NR3C2: variants seen among roughly 807,000 people sequenced by gnomAD.
NR3C2 encodes nuclear receptor subfamily 3 group C member 2.
Under a neutral mutation model 86.4 loss-of-function variants are expected in NR3C2, and 15 were observed. That is an observed-to-expected ratio of 0.17 (90% CI 0.12 to 0.27). The LOEUF (loss-of-function observed/expected upper bound fraction) is 0.27, where lower values mean the gene tolerates loss of function less well. Ranked by LOEUF, NR3C2 falls within the 10% of genes least tolerant of loss-of-function variation. NR3C2 has a pLI of 1.00. For synonymous variants in NR3C2, 458 were observed against 450.5 expected, an observed-to-expected ratio of 1.02 and a Z score of -0.21; for missense variants, 960 against 1,195.6, an observed-to-expected ratio of 0.80 and a Z score of 2.91.
At chr4:148,312,070 A>G (rs1742927779) in intron 2 of NR3C2, among the ~76,000 whole-genome samples, 1 of 125,700 alleles carries the variant, frequency 8.0e-6, no homozygotes, top group Admixed American at 7.4e-5. Flanking sequence ...CATTTAACAT[A>G]TCACATTTTA....
chr4:148,176,470 C>T (rs1735379493), intron 4 of NR3C2, among the ~76,000 whole-genome samples: 1 of 152,112 alleles, frequency 6.6e-6, no homozygotes, highest in Admixed American at 6.5e-5. Flanking sequence ...GATGAACCCA[C>T]CAATGTAGTG....
At chr4:148,429,211 T>C (rs1749688513) in intron 2 of NR3C2, among the ~76,000 whole-genome samples, 1 of 152,216 alleles carries the variant, frequency 6.6e-6, no homozygotes, top group Admixed American at 6.5e-5. Context: ...TGCCAGAATA[T>C]CTAAAGTCAA....
chr4:148,137,616 C>T (rs1299151921), intron 6 of NR3C2, among the ~76,000 whole-genome samples: 3 of 152,158 alleles, frequency 2.0e-5, no homozygotes, highest in African/African-American at 7.2e-5. Flanking sequence ...GAGGCTTCCC[C>T]AAAGCCAGGC....
At chr4:148,109,643 C>G (rs928326717) in intron 8 of NR3C2, among the ~76,000 whole-genome samples, 2 of 152,178 alleles carry the variant, frequency 1.3e-5, no homozygotes, top group Admixed American at 1.3e-4. Flanking sequence ...TGGAAGAAAT[C>G]CATGTATGTC....
intron 2 of NR3C2, among the ~76,000 whole-genome samples, chr4:148,397,773 G>A (rs1318485393): frequency 2.0e-5 from 3 of 152,138 alleles, no homozygotes; most frequent in South Asian, 2.1e-4. Context: ...GGAAGCTGTC[G>A]CCTAAACTTC....
chr4:148,328,543 G>A (rs1334714378), intron 2 of NR3C2, among the ~76,000 whole-genome samples: 1 of 152,136 alleles, frequency 6.6e-6, no homozygotes, highest in Non-Finnish European at 1.5e-5. Context: ...AGGAATCAGA[G>A]GAGACCTCAC....
intron 1 of NR3C2, among the ~76,000 whole-genome samples, chr4:148,440,362 C>G (rs1255903335): frequency 6.6e-6 from 1 of 152,186 alleles, no homozygotes; most frequent in Non-Finnish European, 1.5e-5. Context: ...ATGGCTTGAG[C>G]AGAATTTCAG....
At chr4:148,286,797 T>C (rs1390410752) in intron 2 of NR3C2, among the ~76,000 whole-genome samples, 1 of 152,216 alleles carries the variant, frequency 6.6e-6, no homozygotes. Flanking sequence ...AACATAACTA[T>C]ACCAACTGAA....
chr4:148,120,934 C>A (rs1012163512), intron 6 of NR3C2, among the ~76,000 whole-genome samples: 1 of 152,180 alleles, frequency 6.6e-6, no homozygotes, highest in African/African-American at 2.4e-5. Context: ...CCAAACAATA[C>A]CCTCACACCA....
At chr4:148,373,403 T>C (rs1475833605) in intron 2 of NR3C2, among the ~76,000 whole-genome samples, 3 of 152,050 alleles carry the variant, frequency 2.0e-5, no homozygotes, top group African/African-American at 7.3e-5. Flanking sequence ...CAGGTAGGTA[T>C]ATGCTTCTCC....
intron 4 of NR3C2, among the ~76,000 whole-genome samples, chr4:148,173,691 T>C (rs531680328): frequency 1.3e-5 from 2 of 152,362 alleles, no homozygotes; most frequent in South Asian, 4.1e-4. Context: ...ACAGCAGCAA[T>C]AGTAAACTAA....
intron 3 of NR3C2, among the ~76,000 whole-genome samples, chr4:148,197,285 A>C (rs1736485381): frequency 6.6e-6 from 1 of 152,276 alleles, no homozygotes; most frequent in Admixed American, 6.5e-5. Context: ...TGCCTTTTGC[A>C]TAGTATGAGA....
intron 2 of NR3C2, among the ~76,000 whole-genome samples, chr4:148,267,681 G>T (rs1369948792): frequency 6.6e-6 from 1 of 151,906 alleles, no homozygotes; most frequent in Non-Finnish European, 1.5e-5. Flanking sequence ...TATAGGTTGG[G>T]AACAGCCACA....
intron 2 of NR3C2, among the ~76,000 whole-genome samples, chr4:148,421,647 C>T (rs566036463): frequency 1.7e-4 from 26 of 152,188 alleles, no homozygotes; most frequent in Non-Finnish European, 3.1e-4. Flanking sequence ...GGACATCTAG[C>T]CATTTTCCCC....
intron 2 of NR3C2, among the ~76,000 whole-genome samples, chr4:148,311,595 G>A (rs1742902442): frequency 6.6e-6 from 1 of 152,186 alleles, no homozygotes; most frequent in Non-Finnish European, 1.5e-5. Flanking sequence ...TCCATACCTT[G>A]GCCCCTGTCC....
chr4:148,110,222 C>T (rs935863611), intron 8 of NR3C2, among the ~76,000 whole-genome samples: 3 of 152,172 alleles, frequency 2.0e-5, no homozygotes, highest in African/African-American at 7.2e-5. Context: ...CAACTATCAA[C>T]CTGTTCTTTC....
At chr4:148,381,139 G>T (rs1746963085) in intron 2 of NR3C2, among the ~76,000 whole-genome samples, 2 of 151,714 alleles carry the variant, frequency 1.3e-5, no homozygotes, top group Non-Finnish European at 1.5e-5. Context: ...GAGGCAGGAG[G>T]ATCGCTTGAG....
intron 2 of NR3C2, among the ~76,000 whole-genome samples, chr4:148,297,078 A>AT (rs1250278126): frequency 1.3e-5 from 2 of 152,212 alleles, no homozygotes; most frequent in East Asian, 3.8e-4. Flanking sequence ...ACTGTACTGA[A>AT]TAACACAGAA....
chr4:148,359,844 A>T (rs77689954), intron 2 of NR3C2, among the ~76,000 whole-genome samples: 1 of 152,228 alleles, frequency 6.6e-6, no homozygotes, highest in Non-Finnish European at 1.5e-5. Context: ...AATGTACAGG[A>T]GAGCTAAATC....
Sources: gnomAD v4.1 joint callset for allele counts (sites outside exome capture counted in the v4.1 genomes callset) on GRCh38, gnomAD v4.1.1 for gene constraint, MANE v1.5 for transcripts, NCBI Gene and HGNC (gene_info 2026-07-23, HGNC 2026-07-21) for gene names.